Variants in RSRC1 observed in about 807,000 individuals in gnomAD.
The protein encoded by RSRC1 is arginine and serine rich coiled-coil 1, also known as serine/Arginine-related protein 53.
A neutral mutation model predicts 49.1 loss-of-function variants in RSRC1; 39 were observed. The ratio of observed to expected loss-of-function variants is 0.79; its 90% confidence interval spans 0.61 to 1.04. The LOEUF (loss-of-function observed/expected upper bound fraction) is 1.04, where lower values mean the gene tolerates loss of function less well. RSRC1 is among the 50% of genes least tolerant of loss of function. The probability of loss-of-function intolerance (pLI) is 0.00; values close to 1 mark genes in which losing one functional copy is unlikely to be tolerated. For missense variants in RSRC1, 388 were observed against 402.4 expected (o/e 0.96, Z 0.31); for synonymous variants, 143 against 130.8 (o/e 1.09, Z -0.63).
intron 7 of RSRC1, among the ~76,000 whole-genome samples, chr3:158,475,860 TTACATCAA>T (rs529543205): frequency 6.6e-6 from 1 of 152,194 alleles, no homozygotes; most frequent in South Asian, 2.1e-4. Flanking sequence ...TGTCCCTCAC[TTACATCAA>T]AAGCCAGAAG....
intron 6 of RSRC1, among the ~76,000 whole-genome samples, chr3:158,359,691 C>G (rs769118434): frequency 6.6e-6 from 1 of 152,154 alleles, no homozygotes; most frequent in African/African-American, 2.4e-5. Context: ...CTGAGCTCCC[C>G]CAAAGCACCA....
chr3:158,114,129 G>A (rs1383546024), intron 1 of RSRC1, among the ~76,000 whole-genome samples: 1 of 152,130 alleles, frequency 6.6e-6, no homozygotes, highest in Non-Finnish European at 1.5e-5. Context: ...ATAGTTTTGG[G>A]TTTTACATTT....
At chr3:158,259,682 C>T (rs895141049) in intron 4 of RSRC1, among the ~76,000 whole-genome samples, 2 of 152,260 alleles carry the variant, frequency 1.3e-5, no homozygotes, top group East Asian at 1.9e-4. Context: ...TCCCCCCAGC[C>T]CCAGGCAGGT....
chr3:158,261,148 G>A (rs944244508), intron 4 of RSRC1, among the ~76,000 whole-genome samples: 2 of 152,104 alleles, frequency 1.3e-5, no homozygotes, highest in South Asian at 2.1e-4. Flanking sequence ...ATCTTGCTCC[G>A]CCTTCCCTCT....
At position 158,203,075 on chromosome 3, in the gene RSRC1, C is replaced by G. The variant is rs1183819399; in HGVS notation, c.324C>G (p.Ser108=). The G allele has an allele frequency of 6.2e-7, 1 of 1,610,138 alleles. No homozygotes were observed. The highest frequency in any genetic ancestry group is 1.7e-5 in the Admixed American group (1 of 59,898). Residue 108 remains serine, a synonymous_variant, in exon 4 of 10, where the codon TCC becomes TCG. Transcript: ENST00000611884. The part of the protein sequence containing the change: ...RSRSKSRTRR[S]RSRPRLRSHS... ...TAACAAAATCTGCTTACTGTAGGTC[C>G]AGGTCAAGACCTCGTCTCCGTTCTC...
chr3:158,289,654 AG>A (rs1413008878), intron 4 of RSRC1, among the ~76,000 whole-genome samples: 1 of 152,218 alleles, frequency 6.6e-6, no homozygotes, highest in African/African-American at 2.4e-5. Flanking sequence ...CTAATTTGCA[AG>A]GTGTTCGCCA....
At chr3:158,163,076 T>G (rs1718332203) in intron 3 of RSRC1, among the ~76,000 whole-genome samples, 1 of 152,212 alleles carries the variant, frequency 6.6e-6, no homozygotes, top group Non-Finnish European at 1.5e-5. Flanking sequence ...TGATCTCAGG[T>G]CACTGTAACC....
At chr3:158,147,234 G>A (rs1717196879) in intron 3 of RSRC1, among the ~76,000 whole-genome samples, 1 of 144,588 alleles carries the variant, frequency 6.9e-6, no homozygotes, top group Non-Finnish European at 1.5e-5. Context: ...ATCACATAAT[G>A]CCATTATTAT....
intron 4 of RSRC1, among the ~76,000 whole-genome samples, chr3:158,291,396 T>C (rs1726926274): frequency 6.6e-6 from 1 of 152,188 alleles, no homozygotes; most frequent in South Asian, 2.1e-4. Flanking sequence ...CTCACTGGAA[T>C]TTTGGCTTGC....
chr3:158,276,419 C>T (rs1725820569), intron 4 of RSRC1: 13 of 738,296 alleles, frequency 1.8e-5, no homozygotes, highest in Admixed American at 5.7e-5. Context: ...TGTATGCACC[C>T]ATCTTGGCTT....
chr3:158,401,141 A>C (rs73170384), intron 6 of RSRC1, among the ~76,000 whole-genome samples: 33,011 of 151,890 alleles, frequency 0.22, 4,200 homozygotes, highest in Non-Finnish European at 0.29. Flanking sequence ...TACCATCTAG[A>C]TTTGTGGACG....
chr3:158,327,719 G>A (rs1186094514), intron 5 of RSRC1, among the ~76,000 whole-genome samples: 2 of 152,136 alleles, frequency 1.3e-5, no homozygotes, highest in East Asian at 1.9e-4. Context: ...TTGATTTGGG[G>A]TGGAGAGTTC....
intron 3 of RSRC1, among the ~76,000 whole-genome samples, chr3:158,156,862 A>T (rs778849515): frequency 6.6e-6 from 1 of 152,224 alleles, no homozygotes; most frequent in Non-Finnish European, 1.5e-5. Flanking sequence ...TACAATAATA[A>T]TGAAAAAGTT....
At chr3:158,355,814 C>G (rs940087134) in intron 6 of RSRC1, among the ~76,000 whole-genome samples, 2 of 151,868 alleles carry the variant, frequency 1.3e-5, no homozygotes, top group African/African-American at 4.8e-5. Flanking sequence ...TTCCAAGCGT[C>G]CAGTTGGTGT....
intron 3 of RSRC1, among the ~76,000 whole-genome samples, chr3:158,170,925 G>A (rs1158418570): frequency 1.3e-5 from 2 of 152,060 alleles, no homozygotes; most frequent in Non-Finnish European, 2.9e-5. Flanking sequence ...CCCCAGTCAT[G>A]TGGAACTGCA....
intron 7 of RSRC1, among the ~76,000 whole-genome samples, chr3:158,470,379 T>TATAA (rs1319277530): frequency 7.4e-5 from 11 of 147,794 alleles, no homozygotes; most frequent in African/African-American, 2.8e-4. Flanking sequence ...TATATATATA[T>TATAA]AAAACCATCT....
At chr3:158,487,946 C>CAAAAAAAAAAAAAAAAAA (rs1303656428) in intron 7 of RSRC1, among the ~76,000 whole-genome samples, 128 of 11,446 alleles carry the variant, frequency 0.011, 4 homozygotes, top group Non-Finnish European at 0.013. Flanking sequence ...GACTCCATCT[C>CAAAAAAAAAAAAAAAAAA]AAGAAAAAAA....
intron 3 of RSRC1, among the ~76,000 whole-genome samples, chr3:158,200,179 A>C (rs1349501318): frequency 3.3e-5 from 5 of 152,082 alleles, no homozygotes; most frequent in Admixed American, 1.3e-4. Context: ...CTGGGACTAC[A>C]GGCATCCGCC....
At chr3:158,160,020 A>G (rs1718122521) in intron 3 of RSRC1, among the ~76,000 whole-genome samples, 2 of 152,172 alleles carry the variant, frequency 1.3e-5, no homozygotes, top group Admixed American at 6.6e-5. Context: ...GATAAAAACA[A>G]CTGGTGTTTA....
Sources: gnomAD v4.1 joint callset for allele counts (sites outside exome capture counted in the v4.1 genomes callset) on GRCh38, gnomAD v4.1.1 for gene constraint, MANE v1.5 for transcripts, NCBI Gene and HGNC (gene_info 2026-07-23, HGNC 2026-07-21) for gene names.